RBFOX1: variants seen among roughly 807,000 people sequenced by gnomAD.
RBFOX1 encodes the protein RNA binding fox-1 homolog 1, also known as RNA binding protein fox-1 homolog 1.
A neutral mutation model predicts 57.7 loss-of-function variants in RBFOX1; 8 were observed. That is an observed-to-expected ratio of 0.14 (90% CI 0.08 to 0.25). The LOEUF is 0.25. Among genes scored for constraint, RBFOX1 ranks in the 10% least tolerant of loss-of-function variants. The pLI, the probability that RBFOX1 is intolerant of heterozygous loss-of-function variation, is 1.00. For missense variants in RBFOX1, 611 were observed against 548.5 expected, an observed-to-expected ratio of 1.11 and a Z score of -1.14; for synonymous variants, 326 against 222.4, an observed-to-expected ratio of 1.47 and a Z score of -4.15.
chr16:6,095,738 C>T (rs947981457), intron 1 of RBFOX1, among the ~76,000 whole-genome samples: 1 of 151,942 alleles, frequency 6.6e-6, no homozygotes. Context: ...GGAGTTGAGA[C>T]AGCAGAGAAA....
Position 5,900,461 on chromosome 16 carries a change from T to C in RBFOX1, c.351+33126T>C, listed in dbSNP as rs146256814. On this transcript the variant is annotated intron_variant, in intron 4 of 19. Transcript: ENST00000641259. ...GTTTCTGCAAGGAGATTTATTTCAG[T>C]AGACATGAGTAAAGAAATGAAGATT... Among the ~76,000 whole-genome samples the C allele has an allele frequency of 4.1e-3, 627 of 152,302 alleles. 7 individuals are homozygous for C. Among genetic ancestry groups the C allele is most frequent in the African/African-American group, 0.014 (602 of 41,558 alleles).
chr16:5,563,133 G>A (rs2045946326), intron 2 of RBFOX1, among the ~76,000 whole-genome samples: 1 of 152,158 alleles, frequency 6.6e-6, no homozygotes, highest in Non-Finnish European at 1.5e-5. Context: ...CATTTTTGTA[G>A]AGACGGGGTT....
At chr16:5,778,776 C>T (rs1320519268) in intron 3 of RBFOX1, among the ~76,000 whole-genome samples, 2 of 152,102 alleles carry the variant, frequency 1.3e-5, no homozygotes, top group African/African-American at 2.4e-5. Context: ...GCTCTAACTC[C>T]CACCCCTCAG....
At chr16:5,607,066 T>A (rs2047607636) in intron 3 of RBFOX1, among the ~76,000 whole-genome samples, 1 of 152,172 alleles carries the variant, frequency 6.6e-6, no homozygotes, top group South Asian at 2.1e-4. Context: ...GAGGCCTTGG[T>A]CCCTCCTGGG....
chr16:5,926,129 CT>C (rs1487658236), intron 4 of RBFOX1, among the ~76,000 whole-genome samples: 1 of 152,206 alleles, frequency 6.6e-6, no homozygotes, highest in Non-Finnish European at 1.5e-5. Flanking sequence ...ATATTGTTAT[CT>C]CTTCCAGTGA....
intron 2 of RBFOX1, among the ~76,000 whole-genome samples, chr16:6,412,131 T>TAA (rs57126566): frequency 0.015 from 2,053 of 133,584 alleles, 54 homozygotes; most frequent in African/African-American, 0.051. Flanking sequence ...AGACTCCATG[T>TAA]AAAAAAAAAA....
intron 1 of RBFOX1, among the ~76,000 whole-genome samples, chr16:6,176,244 C>A (rs1002062598): frequency 3.3e-5 from 5 of 151,090 alleles, no homozygotes; most frequent in African/African-American, 1.2e-4. Flanking sequence ...CTCCCCAGTT[C>A]AAGTAATTCT....
intron 4 of RBFOX1, among the ~76,000 whole-genome samples, chr16:7,306,280 T>A (rs1016015084): frequency 2.0e-5 from 3 of 152,212 alleles, no homozygotes; most frequent in Non-Finnish European, 2.9e-5. Flanking sequence ...AGGTTATTCT[T>A]GCCATGAGAA....
chr16:6,446,875 C>T (rs954116787), intron 2 of RBFOX1, among the ~76,000 whole-genome samples: 27 of 152,050 alleles, frequency 1.8e-4, no homozygotes, highest in African/African-American at 5.8e-4. Flanking sequence ...TTTACTGAGA[C>T]CTAAAAGTGT....
chr16:5,281,538 C>G (rs1009137268), intron 1 of RBFOX1, among the ~76,000 whole-genome samples: 12 of 152,266 alleles, frequency 7.9e-5, no homozygotes, highest in African/African-American at 2.6e-4. Context: ...AAGTGCTCAA[C>G]TATCATTATA....
At chr16:5,296,752 C>G (rs1371065131) in intron 1 of RBFOX1, among the ~76,000 whole-genome samples, 1 of 151,552 alleles carries the variant, frequency 6.6e-6, no homozygotes, top group African/African-American at 2.4e-5. Context: ...GATCCTGCCT[C>G]ACTGTAACCT....
chr16:7,097,032 G>A (rs1395764658), intron 4 of RBFOX1, among the ~76,000 whole-genome samples: 2 of 151,744 alleles, frequency 1.3e-5, no homozygotes, highest in African/African-American at 4.8e-5. Context: ...TCCTGGTTTG[G>A]TAAAAACAAC....
chr16:5,597,777 G>A (rs2047235330), intron 2 of RBFOX1, among the ~76,000 whole-genome samples: 1 of 152,140 alleles, frequency 6.6e-6, no homozygotes, highest in Admixed American at 6.5e-5. Flanking sequence ...GTACCTCGTG[G>A]AAAGGTGGAC....
At chr16:7,033,510 A>C (rs1330102173) in intron 3 of RBFOX1, among the ~76,000 whole-genome samples, 1 of 152,088 alleles carries the variant, frequency 6.6e-6, no homozygotes, top group Non-Finnish European at 1.5e-5. Context: ...ATAGAGGGAG[A>C]CTCAGTCTCA....
intron 14 of RBFOX1, chr16:7,693,164 C>G (rs756307930): frequency 3.2e-6 from 2 of 620,382 alleles, no homozygotes; most frequent in African/African-American, 1.8e-5. Context: ...CATGATCTTT[C>G]TAAACTCTGA....
intron 4 of RBFOX1, among the ~76,000 whole-genome samples, chr16:7,432,843 G>T (rs1008071675): frequency 6.6e-6 from 1 of 152,148 alleles, no homozygotes; most frequent in African/African-American, 2.4e-5. Flanking sequence ...TTCCCAGCTT[G>T]TGAATTTGCA....
At chr16:5,859,953 C>G (rs1597527458) in intron 3 of RBFOX1, among the ~76,000 whole-genome samples, 1 of 152,188 alleles carries the variant, frequency 6.6e-6, no homozygotes, top group South Asian at 2.1e-4. Flanking sequence ...GAAGCCTGGG[C>G]TCCCGTGGGA....
At chr16:6,564,401 A>G (rs1289188960) in intron 2 of RBFOX1, among the ~76,000 whole-genome samples, 1 of 152,178 alleles carries the variant, frequency 6.6e-6, no homozygotes, top group Non-Finnish European at 1.5e-5. Context: ...CAGAGCTTGC[A>G]GTGAGCCGAG....
At chr16:5,871,955 G>A (rs571484242) in intron 4 of RBFOX1, among the ~76,000 whole-genome samples, 2 of 152,108 alleles carry the variant, frequency 1.3e-5, no homozygotes, top group South Asian at 4.1e-4. Context: ...CAAACTCAGT[G>A]GCCTTGGGAG....
Sources: gnomAD v4.1 joint callset for allele counts (sites outside exome capture counted in the v4.1 genomes callset) on GRCh38, gnomAD v4.1.1 for gene constraint, MANE v1.5 for transcripts, NCBI Gene and HGNC (gene_info 2026-07-23, HGNC 2026-07-21) for gene names.